The following RGS7 variants were observed in gnomAD, a reference collection of about 807,000 sequenced individuals.
RGS7 encodes the protein regulator of G-protein signaling 7.
A neutral mutation model predicts 81.1 loss-of-function variants in RGS7; 27 were observed. The ratio of observed to expected loss-of-function variants is 0.33; its 90% confidence interval spans 0.25 to 0.46. The LOEUF (loss-of-function observed/expected upper bound fraction) is 0.46. RGS7 is among the 20% of genes least tolerant of loss of function. RGS7 has a pLI of 1.00. For missense variants in RGS7, 396 were observed against 607.4 expected, an observed-to-expected ratio of 0.65 and a Z score of 3.66; for synonymous variants, 208 against 207.7, an observed-to-expected ratio of 1.00 and a Z score of -0.01.
At chr1:241,068,643 ACAT>A (rs2062238626) in intron 3 of RGS7, among the ~76,000 whole-genome samples, 1 of 152,116 alleles carries the variant, frequency 6.6e-6, no homozygotes, top group Admixed American at 6.5e-5. Flanking sequence ...TCCCTGTCTC[ACAT>A]CATCTTTTCT....
chr1:240,993,935 C>A (rs1169545867), intron 3 of RGS7, among the ~76,000 whole-genome samples: 1 of 152,142 alleles, frequency 6.6e-6, no homozygotes, highest in Admixed American at 6.5e-5. Context: ...ACAAAGCTAT[C>A]TTTCCTCAGT....
At chr1:241,312,572 CA>C (rs1443722853) in intron 2 of RGS7, among the ~76,000 whole-genome samples, 1 of 151,980 alleles carries the variant, frequency 6.6e-6, no homozygotes, top group Non-Finnish European at 1.5e-5. Flanking sequence ...TTTAGGGTAC[CA>C]AAACCCACAC....
rs1372659389 is a variant in RGS7, at chr1:240,783,674, A to ACCC, written c.*7-7462_*7-7461insGGG. 2.6e-5 allele frequency among the ~76,000 whole-genome samples: 4 copies of ACCC among 151,966 alleles called. No homozygotes were observed. In the East Asian group the frequency reaches 7.7e-4, roughly 29 times the overall value. ...AAAAAATCGTTCTTGGTCTTAAAGT[A>ACCC]ATAACAGAAAGTTGATGGTAAGGAG... On this transcript the variant is annotated intron_variant, in intron 18 of 18. Transcript: ENST00000440928.
chr1:241,191,273 C>T lies in RGS7; in HGVS notation c.79-92511G>A, dbSNP rs2072630531. Among the ~76,000 whole-genome samples, 3 of 152,242 alleles carry T rather than the reference C, an allele frequency of 2.0e-5. No homozygotes were observed. The Middle Eastern group carries it at 0.01, about 518-fold the overall frequency. On this transcript the variant is annotated intron_variant, in intron 2 of 18. Transcript: ENST00000440928. ...GGATTACAGGAGTGAGCCACCGTGC[C>T]CGGCCTCCACTATTGTTATTTTTAT... is the stretch of plus-strand genomic sequence containing the variant.
chr1:240,923,971 A>C lies in RGS7; in HGVS notation c.385+6746T>G, dbSNP rs374746683. On this transcript the variant is annotated intron_variant, in intron 6 of 18. Transcript: ENST00000440928. ...AGTTCTAAAGTCATATAGGCTATTA[A>C]TTTGGTTTTATGTGTTTATTTCAAA... Among the ~76,000 whole-genome samples the C allele has an allele frequency of 2.6e-5, 4 of 152,168 alleles. 1 individual carries two copies. Among genetic ancestry groups the C allele is most frequent in the African/African-American group, 9.6e-5 (4 of 41,538 alleles).
chr1:240,974,532 G>T (rs1333250657), intron 4 of RGS7, among the ~76,000 whole-genome samples: 1 of 152,148 alleles, frequency 6.6e-6, no homozygotes, highest in African/African-American at 2.4e-5. Context: ...GAGGGTATGT[G>T]TCCTCTGCCA....
At chr1:241,068,992 G>A (rs2062264220) in intron 3 of RGS7, among the ~76,000 whole-genome samples, 1 of 152,140 alleles carries the variant, frequency 6.6e-6, no homozygotes, top group African/African-American at 2.4e-5. Flanking sequence ...CTTTTCACCT[G>A]TGTGTGTCTG....
rs540684645 is a variant in RGS7, at chr1:241,119,687, A to G, written c.79-20925T>C. Among the ~76,000 whole-genome samples, 4 of 152,348 alleles carry G rather than the reference A, an allele frequency of 2.6e-5. No individual in the cohort carries two copies. In the South Asian group the frequency reaches 8.3e-4, roughly 32 times the overall value. On this transcript the variant is annotated intron_variant, in intron 2 of 18. Transcript: ENST00000440928. ...ATTTGTTAATATCACCACTGATACA[A>G]TGAGAAAAGCCTTTTACTATTGGAA...
Position 240,896,464 on chromosome 1 carries a change from G to A in RGS7, c.386-26345C>T, listed in dbSNP as rs183992878. ...CCATCTTGAAATAATTTTTGTATAA[G>A]GTGTAAGGAAGGGATCCAGTTTCAG... On this transcript the variant is annotated intron_variant, in intron 6 of 18. Coordinates refer to ENST00000440928, the MANE Select transcript of RGS7 (RefSeq NM_001364886.1). 3.5e-4 allele frequency among the ~76,000 whole-genome samples: 54 copies of A among 152,250 alleles called. No homozygotes were observed. The East Asian group carries it at 0.01, about 29-fold the overall frequency.
intron 2 of RGS7, among the ~76,000 whole-genome samples, chr1:241,226,476 T>C (rs1573228649): frequency 6.6e-6 from 1 of 152,290 alleles, no homozygotes; most frequent in African/African-American, 2.4e-5. Flanking sequence ...ACATTCTTCC[T>C]TCATACAGTC....
intron 6 of RGS7, among the ~76,000 whole-genome samples, chr1:240,895,336 T>A (rs1331830302): frequency 6.6e-6 from 1 of 152,086 alleles, no homozygotes; most frequent in African/African-American, 2.4e-5. Flanking sequence ...AGGTGCACAA[T>A]GTGCAGGTTT....
At chr1:241,026,336 C>A (rs2059780605) in intron 3 of RGS7, among the ~76,000 whole-genome samples, 1 of 152,116 alleles carries the variant, frequency 6.6e-6, no homozygotes, top group African/African-American at 2.4e-5. Flanking sequence ...GCCTGTATTT[C>A]CAGAACTTTG....
intron 4 of RGS7, among the ~76,000 whole-genome samples, chr1:240,975,400 T>TAAAC (rs143065066): frequency 0.37 from 55,263 of 150,684 alleles, 11,523 homozygotes; most frequent in East Asian, 0.61. Context: ...AGACTTCGTC[T>TAAAC]AAACAAACAA....
intron 3 of RGS7, among the ~76,000 whole-genome samples, chr1:241,083,000 G>A (rs573595540): frequency 2.6e-5 from 4 of 152,138 alleles, no homozygotes; most frequent in Admixed American, 1.3e-4. Flanking sequence ...CAAGGCACAC[G>A]GGTCACTTGA....
chr1:241,301,430 G>A (rs868629085), intron 2 of RGS7, among the ~76,000 whole-genome samples: 17 of 152,178 alleles, frequency 1.1e-4, no homozygotes, highest in African/African-American at 3.4e-4. Flanking sequence ...ACAAAGTAAG[G>A]AGATTTATTC....
intron 11 of RGS7, 96 bp downstream of exon 11, chr1:240,816,221 T>C: frequency 1.2e-6 from 1 of 806,014 alleles, no homozygotes; most frequent in Non-Finnish European, 2.2e-6. Flanking sequence ...GTCATACAAA[T>C]AACCTATAAA....
intron 6 of RGS7, among the ~76,000 whole-genome samples, chr1:240,896,790 C>T (rs537324016): frequency 5.3e-5 from 8 of 152,098 alleles, no homozygotes; most frequent in Non-Finnish European, 1.2e-4. Flanking sequence ...TCCATATGAA[C>T]TTTAAAGTAG....
chr1:240,876,479 CTT>C (rs1236735185), intron 6 of RGS7, among the ~76,000 whole-genome samples: 1 of 152,126 alleles, frequency 6.6e-6, no homozygotes, highest in African/African-American at 2.4e-5. Flanking sequence ...CCACTTAACA[CTT>C]TGGCTGGGTT....
chr1:241,336,181 A>T (rs776855164), intron 2 of RGS7, among the ~76,000 whole-genome samples: 19 of 152,198 alleles, frequency 1.2e-4, no homozygotes, highest in Non-Finnish European at 2.5e-4. Context: ...ATGGCACATC[A>T]GATTCGCTTT....
Sources: allele counts gnomAD v4.1 joint callset (sites outside exome capture counted in the v4.1 genomes callset), GRCh38; gene constraint gnomAD v4.1.1; transcripts MANE v1.5; gene names NCBI Gene and HGNC (gene_info 2026-07-23, HGNC 2026-07-21).